The following AUTS2 variants were observed in gnomAD, a reference collection of about 807,000 sequenced individuals.
The protein encoded by AUTS2 is autism susceptibility gene 2 protein.
In AUTS2, 17 loss-of-function variants were observed where a neutral mutation model predicts 112.4. The observed-to-expected ratio is 0.15, with a 90% CI of 0.10 to 0.23. The LOEUF is 0.23. Among genes scored for constraint, AUTS2 ranks in the 10% least tolerant of loss-of-function variants. The pLI is 1.00. For synonymous variants in AUTS2, 751 were observed against 702.7 expected, an observed-to-expected ratio of 1.07 and a Z score of -1.09; for missense variants, 1,510 against 1,701.6, an observed-to-expected ratio of 0.89 and a Z score of 1.98.
At chr7:70,724,099 C>T (rs1240549504) in intron 6 of AUTS2, among the ~76,000 whole-genome samples, 1 of 152,114 alleles carries the variant, frequency 6.6e-6, no homozygotes, top group African/African-American at 2.4e-5. Flanking sequence ...ACCATGTTGG[C>T]AAGGCTGGTC....
At chr7:70,748,982 A>T (rs1394293578) in intron 6 of AUTS2, among the ~76,000 whole-genome samples, 3 of 152,012 alleles carry the variant, frequency 2.0e-5, no homozygotes, top group Non-Finnish European at 4.4e-5. Flanking sequence ...AGGCTCTGGA[A>T]CTCCCTTTTC....
chr7:69,878,477 G>T (rs1793902334), intron 1 of AUTS2, among the ~76,000 whole-genome samples: 1 of 152,148 alleles, frequency 6.6e-6, no homozygotes, highest in African/African-American at 2.4e-5. Context: ...ACGCCTCCTT[G>T]TTTCATTGTC....
intron 3 of AUTS2, among the ~76,000 whole-genome samples, chr7:70,128,688 G>A (rs1196218653): frequency 6.6e-6 from 1 of 152,208 alleles, no homozygotes; most frequent in East Asian, 1.9e-4. Flanking sequence ...AGGAGGCTGG[G>A]TGTTGTATTA....
At chr7:70,646,621 A>G (rs1221847537) in intron 5 of AUTS2, among the ~76,000 whole-genome samples, 1 of 152,252 alleles carries the variant, frequency 6.6e-6, no homozygotes, top group African/African-American at 2.4e-5. Flanking sequence ...CTTTATGCCC[A>G]AGAACACTGC....
At chr7:70,519,069 T>A (rs917780590) in intron 5 of AUTS2, among the ~76,000 whole-genome samples, 3 of 152,088 alleles carry the variant, frequency 2.0e-5, no homozygotes, top group African/African-American at 7.2e-5. Context: ...TAAAAAAAAA[T>A]CAAAACACTA....
intron 6 of AUTS2, among the ~76,000 whole-genome samples, chr7:70,720,479 G>A (rs1015247184): frequency 6.6e-6 from 1 of 152,150 alleles, no homozygotes. Flanking sequence ...CACGGGCACA[G>A]AGCATCTTCT....
chr7:70,310,479 G>A (rs960814765), intron 4 of AUTS2, among the ~76,000 whole-genome samples: 4 of 152,118 alleles, frequency 2.6e-5, no homozygotes, highest in Non-Finnish European at 4.4e-5. Context: ...TGGGCGTGGT[G>A]GTGGGCGCCT....
intron 1 of AUTS2, among the ~76,000 whole-genome samples, chr7:69,883,284 T>C (rs1018031817): frequency 1.2e-4 from 17 of 147,230 alleles, no homozygotes; most frequent in African/African-American, 4.3e-4. Context: ...TAGAGTTCCT[T>C]TTTTTTTTTT....
intron 1 of AUTS2, among the ~76,000 whole-genome samples, chr7:69,670,958 G>C (rs1204395837): frequency 6.6e-6 from 1 of 152,220 alleles, no homozygotes. Context: ...AGAAAAACCT[G>C]TTGGCCCAGA....
intron 1 of AUTS2, among the ~76,000 whole-genome samples, chr7:69,728,369 G>A (rs546333403): frequency 2.6e-5 from 4 of 152,328 alleles, no homozygotes; most frequent in South Asian, 2.1e-4. Context: ...GCGTGTAAAT[G>A]TACTATTTTA....
intron 1 of AUTS2, among the ~76,000 whole-genome samples, chr7:69,862,778 C>T (rs1284592646): frequency 6.6e-6 from 1 of 152,134 alleles, no homozygotes. Context: ...GTCTCTACTC[C>T]TGATAAGGCA....
intron 5 of AUTS2, among the ~76,000 whole-genome samples, chr7:70,539,198 C>G (rs1241139320): frequency 5.3e-5 from 8 of 152,228 alleles, no homozygotes; most frequent in Non-Finnish European, 1.0e-4. Flanking sequence ...CTCAGTGACT[C>G]ACTTCCCACC....
chr7:69,769,628 C>T (rs1788576621), intron 1 of AUTS2, among the ~76,000 whole-genome samples: 1 of 152,194 alleles, frequency 6.6e-6, no homozygotes, highest in Non-Finnish European at 1.5e-5. Context: ...TGGGAGCTGG[C>T]TGCTGCCTTT....
intron 2 of AUTS2, among the ~76,000 whole-genome samples, chr7:69,981,835 C>T (rs1473460863): frequency 3.3e-5 from 5 of 152,214 alleles, no homozygotes; most frequent in Non-Finnish European, 7.3e-5. Context: ...CATCAAAATA[C>T]ATATACTCGT....
rs77389386 is a variant in AUTS2, at chr7:70,226,920, C to G, written c.660+92349C>G. Among the ~76,000 whole-genome samples, 347 of 152,182 alleles carry G rather than the reference C, an allele frequency of 2.3e-3. 1 individual carries two copies. Among genetic ancestry groups the G allele is most frequent in the African/African-American group, 7.8e-3 (324 of 41,532 alleles). On this transcript the variant is annotated intron_variant, in intron 4 of 18. Transcript: ENST00000342771. Reference sequence around the variant, plus strand: ...TACCAAAGGTGATTGACATTAGACACCAGGAAGAAATTTTTGAAATGAGTG... The same window carrying G: ...TACCAAAGGTGATTGACATTAGACAGCAGGAAGAAATTTTTGAAATGAGTG...
chr7:69,826,374 C>G (rs1045455959), intron 1 of AUTS2, among the ~76,000 whole-genome samples: 1 of 152,186 alleles, frequency 6.6e-6, no homozygotes, highest in Admixed American at 6.5e-5. Context: ...AGACCTGGGC[C>G]TTGAATCCAC....
rs76227204 is a variant in AUTS2, at chr7:70,479,010, A to G, written c.690+43229A>G. Among the ~76,000 whole-genome samples, 589 of 152,158 alleles carry G rather than the reference A, an allele frequency of 3.9e-3. 3 individuals are homozygous for G. Among genetic ancestry groups the G allele is most frequent in the Middle Eastern group, 0.014 (4 of 294 alleles). Reference sequence around the variant, plus strand: ...TTATTGAATTAAGATGAAAATGAAGAGAAAATTTAATTACCCAGTCTACTT... The same window carrying G: ...TTATTGAATTAAGATGAAAATGAAGGGAAAATTTAATTACCCAGTCTACTT... On this transcript the variant is annotated intron_variant, in intron 5 of 18. Coordinates refer to ENST00000342771, the MANE Select transcript of AUTS2 (RefSeq NM_015570.4).
At chr7:70,455,987 G>A (rs1284684874) in intron 5 of AUTS2, among the ~76,000 whole-genome samples, 1 of 152,114 alleles carries the variant, frequency 6.6e-6, no homozygotes, top group Admixed American at 6.6e-5. Flanking sequence ...TCACCTACCG[G>A]CCTCTAAACT....
At chr7:70,610,018 C>G (rs1804002828) in intron 5 of AUTS2, among the ~76,000 whole-genome samples, 2 of 151,706 alleles carry the variant, frequency 1.3e-5, no homozygotes, top group Non-Finnish European at 2.9e-5. Flanking sequence ...GACAGAATCT[C>G]ACTCTGTCGC....
Sources: allele counts gnomAD v4.1 joint callset (sites outside exome capture counted in the v4.1 genomes callset), GRCh38; gene constraint gnomAD v4.1.1; transcripts MANE v1.5; gene names NCBI Gene and HGNC (gene_info 2026-07-23, HGNC 2026-07-21).